SLC25A36: variants seen among roughly 807,000 people sequenced by gnomAD.
The protein encoded by SLC25A36 is epididymis secretory sperm binding protein.
In SLC25A36, 24 loss-of-function variants were observed where a neutral mutation model predicts 35.3. The observed-to-expected ratio is 0.68, with a 90% confidence interval of 0.49 to 0.96. The LOEUF (loss-of-function observed/expected upper bound fraction) is 0.96. Among genes scored for constraint, SLC25A36 ranks in the 40% least tolerant of loss-of-function variants. The pLI is 0.00. For synonymous variants in SLC25A36, 141 were observed against 132.2 expected, an observed-to-expected ratio of 1.07 and a Z score of -0.46; for missense variants, 294 against 381.1, an observed-to-expected ratio of 0.77 and a Z score of 1.90.
chr3:140,963,780 G>C (rs1256805898), intron 4 of SLC25A36: 2 of 152,744 alleles, frequency 1.3e-5, no homozygotes, highest in African/African-American at 4.8e-5. Context: ...CTGAAATTTA[G>C]ACACTGGCTA....
At chr3:140,946,333 C>T (rs1405299945) in intron 1 of SLC25A36, among the ~76,000 whole-genome samples, 1 of 152,284 alleles carries the variant, frequency 6.6e-6, no homozygotes, top group East Asian at 1.9e-4. Context: ...AAGACCCTAG[C>T]CCTGGTAAGA....
At chr3:140,974,355 A>G (rs1168771181) in intron 6 of SLC25A36, among the ~76,000 whole-genome samples, 1 of 151,998 alleles carries the variant, frequency 6.6e-6, no homozygotes, top group Non-Finnish European at 1.5e-5. Flanking sequence ...AAAATTCTCT[A>G]AAGTACTTAT....
At position 140,976,251 on chromosome 3, in the gene SLC25A36, C is replaced by T; in HGVS notation, c.743-9C>T. ...CAGTAATGTTTAATTTTATTTCTTT[C>T]CTACACAGAAGTTGTAAGAACAAGA... On this transcript the variant is annotated splice_polypyrimidine_tract_variant and intron_variant, in intron 6 of 6. Transcript: ENST00000324194. 2 of 1,558,554 alleles carry T rather than the reference C, an allele frequency of 1.3e-6. No individual in the cohort carries two copies. Among genetic ancestry groups the T allele is most frequent in the Non-Finnish European group, 1.7e-6 (2 of 1,143,446 alleles).
intron 1 of SLC25A36, chr3:140,942,641 C>T (rs563500610): frequency 6.6e-6 from 1 of 152,398 alleles, no homozygotes; most frequent in African/African-American, 2.4e-5. Flanking sequence ...TTAGCCCTCG[C>T]TCCTTGCAGC....
chr3:140,977,044 AGG>A lies in SLC25A36; in HGVS notation c.*592_*593del, dbSNP rs1935066538. The A allele has an allele frequency of 6.6e-6, 1 of 152,184 alleles. No homozygotes were observed. The highest frequency in any genetic ancestry group is 1.5e-5 in the Non-Finnish European group (1 of 68,024). 9.4% of individuals were successfully genotyped at this position (152,184 alleles called of 1,614,324 possible). On this transcript the variant is annotated 3_prime_UTR_variant, in exon 7 of 7. Coordinates refer to ENST00000324194, the MANE Select transcript of SLC25A36 (RefSeq NM_001104647.3). ...AAATGTTTTGGTTTCCACTGCTGAC[AGG>A]TGCTTGTTGTTTAGCCTAATGTGGA... is the stretch of plus-strand genomic sequence containing the variant.
chr3:140,970,856 T>G (rs1934881878), intron 4 of SLC25A36, 71 bp from the exon 5 acceptor site: 1 of 732,992 alleles, frequency 1.4e-6, no homozygotes, highest in East Asian at 2.6e-5. Context: ...ATTTATCTAA[T>G]TTTTAAAACC....
chr3:140,941,942 C>A lies in SLC25A36; in HGVS notation c.-113C>A. The A allele has an allele frequency of 1.6e-6, 1 of 620,576 alleles. No homozygotes were observed. The allele number at this position is 620,576 out of a possible 1,614,324, so 38.4% of individuals were successfully genotyped here. On this transcript the variant is annotated 5_prime_UTR_variant, in exon 1 of 7. Transcript: ENST00000324194. The stretch of plus-strand genomic sequence containing the variant: ...TGCAGCCGCATCTCGGCCAGCTCTC[C>A]TCGCCGTCCCCGGGGCGCTGTGCGT...
intron 4 of SLC25A36, chr3:140,968,340 A>G (rs1934815276): frequency 2.6e-6 from 2 of 782,876 alleles, no homozygotes; most frequent in African/African-American, 1.9e-5. Context: ...GCTGGCATTT[A>G]GGTTAGTGTC....
At chr3:140,950,656 A>G (rs985353267) in intron 1 of SLC25A36, among the ~76,000 whole-genome samples, 24 of 152,170 alleles carry the variant, frequency 1.6e-4, no homozygotes, top group African/African-American at 5.6e-4. Flanking sequence ...GAATTTTAGG[A>G]TAAGTAATCT....
At chr3:140,971,279 C>T (rs183044732) in intron 5 of SLC25A36, among the ~76,000 whole-genome samples, 15 of 152,198 alleles carry the variant, frequency 9.9e-5, no homozygotes, top group South Asian at 2.1e-4. Context: ...TAGATTAACC[C>T]AGCCCAAAAG....
intron 4 of SLC25A36, chr3:140,963,639 T>C (rs527766158): frequency 2.7e-4 from 43 of 156,860 alleles, no homozygotes; most frequent in Non-Finnish European, 4.6e-4. Context: ...CAATTCTTGG[T>C]AAAGTATTCA....
intron 4 of SLC25A36, among the ~76,000 whole-genome samples, chr3:140,967,702 A>G (rs546285619): frequency 6.6e-6 from 1 of 152,090 alleles, no homozygotes; most frequent in South Asian, 2.1e-4. Context: ...GCTCGACACT[A>G]TCAAATGGAA....
At chr3:140,974,933 A>G (rs1411382869) in intron 6 of SLC25A36, among the ~76,000 whole-genome samples, 3 of 152,110 alleles carry the variant, frequency 2.0e-5, no homozygotes, top group Admixed American at 1.3e-4. Context: ...AAGTCAAAAT[A>G]GGACAGTATC....
intron 6 of SLC25A36, among the ~76,000 whole-genome samples, chr3:140,975,949 C>T (rs955646681): frequency 2.6e-5 from 4 of 152,142 alleles, no homozygotes; most frequent in Admixed American, 6.5e-5. Flanking sequence ...TGCCTCTTCA[C>T]CTTTTCCTCC....
chr3:140,974,698 A>G (rs1360458678), intron 6 of SLC25A36, among the ~76,000 whole-genome samples: 2 of 151,688 alleles, frequency 1.3e-5, no homozygotes, highest in African/African-American at 2.4e-5. Flanking sequence ...GTCGCTTTTG[A>G]TTTTTGCATG....
intron 3 of SLC25A36, among the ~76,000 whole-genome samples, chr3:140,959,778 G>C (rs1047476973): frequency 6.6e-6 from 1 of 152,144 alleles, no homozygotes; most frequent in East Asian, 1.9e-4. Context: ...AGACTTAACA[G>C]TATTTCATTG....
At chr3:140,957,612 G>C (rs569988657) in intron 2 of SLC25A36, among the ~76,000 whole-genome samples, 1 of 152,094 alleles carries the variant, frequency 6.6e-6, no homozygotes, top group African/African-American at 2.4e-5. Context: ...GTGGTGGTGC[G>C]CACCTGTAAT....
intron 6 of SLC25A36, among the ~76,000 whole-genome samples, chr3:140,975,127 T>TTTTTTTTA (rs1935008949): frequency 8.2e-6 from 1 of 122,672 alleles, no homozygotes; most frequent in Non-Finnish European, 1.6e-5. Flanking sequence ...TTTTTTTTTT[T>TTTTTTTTA]GATAGGATCT....
rs570598895 is a variant in SLC25A36 at position 140,951,987 on chromosome 3, C to T, written c.42-4540C>T. ...TAGCTGGGATTACAGGCATGTGCCACTGCACCTGGCTGTTTTTTCCTTTCT... is the reference window on the plus strand; with the variant it reads ...TAGCTGGGATTACAGGCATGTGCCATTGCACCTGGCTGTTTTTTCCTTTCT... On this transcript the variant is annotated intron_variant, in intron 1 of 6. Coordinates refer to ENST00000324194, the MANE Select transcript of SLC25A36 (RefSeq NM_001104647.3). Among the ~76,000 whole-genome samples the T allele has an allele frequency of 2.7e-3, 411 of 151,082 alleles. 1 individual carries two copies. The highest frequency in any genetic ancestry group is 7.8e-3 in the African/African-American group (322 of 41,162).
Sources: allele counts gnomAD v4.1 joint callset (sites outside exome capture counted in the v4.1 genomes callset), GRCh38; gene constraint gnomAD v4.1.1; transcripts MANE v1.5; gene names NCBI Gene and HGNC (gene_info 2026-07-23, HGNC 2026-07-21).